P2RX7: variants seen among roughly 807,000 people sequenced by gnomAD.
The protein encoded by P2RX7 is purinergic receptor P2X 7.
In P2RX7, 62 loss-of-function variants were observed where a neutral mutation model predicts 71.6. The observed-to-expected ratio is 0.87, with a 90% CI of 0.71 to 1.07. P2RX7 has a LOEUF of 1.07. Among genes scored for constraint, P2RX7 ranks in the 50% least tolerant of loss-of-function variants. The pLI, the probability that P2RX7 is intolerant of heterozygous loss-of-function variation, is 0.00. For synonymous variants in P2RX7, 299 were observed against 283.3 expected (o/e 1.06, Z -0.56); for missense variants, 686 against 748.5 (o/e 0.92, Z 0.97).
In P2RX7 at chr12:121,154,748, T is replaced by A; in HGVS notation, c.126-37T>A. Reference sequence around the variant, plus strand: ...GCCTGCATCCCAACCCGCTGTGCTATGCCTCCCGTTGATGCTTTCCCATGT... The same window carrying A: ...GCCTGCATCCCAACCCGCTGTGCTAAGCCTCCCGTTGATGCTTTCCCATGT... On this transcript the variant is annotated intron_variant, in intron 1 of 12. Transcript: ENST00000328963. This position sits in a 1 kb window ranked among gnomAD's most constrained non-coding sequence, Gnocchi z 4.2. The A allele has an allele frequency of 7.1e-7, 1 of 1,405,218 alleles. No homozygotes were observed. The highest frequency in any genetic ancestry group is 1.0e-6 in the Non-Finnish European group (1 of 989,314). The allele number at this position is 1,405,218 out of a possible 1,614,324, so 87.0% of individuals were successfully genotyped here. A position where few individuals can be genotyped will look rare whatever the true frequency, so the allele number is the denominator to read the frequency against.
rs571622161 is a variant in P2RX7, at chr12:121,154,983, C to A, written c.294+30C>A. 16 of 1,611,626 alleles carry A rather than the reference C, an allele frequency of 9.9e-6. No homozygotes were observed. Among genetic ancestry groups the A allele is most frequent in the Non-Finnish European group, 1.3e-5 (15 of 1,178,432 alleles). On this transcript the variant is annotated intron_variant, in intron 2 of 12. Transcript: ENST00000328963. The surrounding 1 kb of genome is among the most constrained non-coding windows in gnomAD (Gnocchi z 4.2). ...GCACCTCGTAGCATTCTCCCAGGCT[C>A]GTCGCTGGTCACCGTCGCCAGGGCC... is the stretch of plus-strand genomic sequence containing the variant.
At chr12:121,165,248 T>C in intron 5 of P2RX7, 109 bp from the exon 6 acceptor site, 2 of 777,972 alleles carry the variant, frequency 2.6e-6, no homozygotes, top group Admixed American at 2.0e-5. Context: ...TTTCTCTTCA[T>C]GTATCCCAAA....
Position 121,171,777 on chromosome 12 carries a change from A to G in P2RX7, c.882-3611A>G, listed in dbSNP as rs558212211. On this transcript the variant is annotated intron_variant, in intron 8 of 12. Coordinates refer to ENST00000328963, the MANE Select transcript of P2RX7 (RefSeq NM_002562.6). ...ACTGGAAATACAGACTCCTAGAAACATCTCAGAGCTTCTGCAACCACTCTT... is the reference window on the plus strand; with the variant it reads ...ACTGGAAATACAGACTCCTAGAAACGTCTCAGAGCTTCTGCAACCACTCTT... Among the ~76,000 whole-genome samples, 24 of 151,900 alleles carry G rather than the reference A, an allele frequency of 1.6e-4. No individual in the cohort carries two copies. The South Asian group carries it at 5.0e-3, about 32-fold the overall frequency.
chr12:121,134,240 T>A (rs1329821022), intron 1 of P2RX7, among the ~76,000 whole-genome samples: 1 of 152,242 alleles, frequency 6.6e-6, no homozygotes, highest in Non-Finnish European at 1.5e-5. Flanking sequence ...AGGTCATATG[T>A]TAACTATGTT....
chr12:121,149,051 T>C lies in P2RX7; in HGVS notation c.126-5734T>C, dbSNP rs561026123. On this transcript the variant is annotated intron_variant, in intron 1 of 12. Transcript: ENST00000328963. This position sits in a 1 kb window ranked among gnomAD's most constrained non-coding sequence, Gnocchi z 4.7. ...ACTTTGCTGAAAGGGAGGTCCTCCC[T>C]GCAGAGCTTGAAGAGCAATCTAACC... 5.1e-6 allele frequency: 3 copies of C among 583,110 alleles called. No homozygotes were observed. The highest frequency in any genetic ancestry group is 8.9e-5 in the East Asian group (2 of 22,424). 36.1% of individuals were successfully genotyped at this position (583,110 alleles called of 1,614,324 possible).
Position 121,165,361 on chromosome 12 carries a change from G to C in P2RX7, c.538G>C (p.Ala180Pro), listed in dbSNP as rs758028586. The C allele has an allele frequency of 4.3e-6, 7 of 1,613,674 alleles. No individual in the cohort carries two copies. The East Asian group carries it at 1.3e-4, about 31-fold the overall frequency. Reference sequence around the variant, plus strand: ...TTTTGCATGTCTCTCTCCCAGGCCTGCTCTCTTGAACAGTGCCGAAAACTT... The same window carrying C: ...TTTTGCATGTCTCTCTCCCAGGCCTCCTCTCTTGAACAGTGCCGAAAACTT... ...IEAVEEAPRP[A>P]LLNSAENFTV... Residue 180 changes from alanine to proline, a missense_variant, in exon 6 of 13, where the codon GCT becomes CCT. By Grantham distance (27) the Ala-to-Pro change is conservative. Transcript: ENST00000328963.
chr12:121,142,541 C>T lies in P2RX7; in HGVS notation c.125+9446C>T, dbSNP rs556221757. Among the ~76,000 whole-genome samples, 13 of 152,188 alleles carry T rather than the reference C, an allele frequency of 8.5e-5. No individual in the cohort carries two copies. The South Asian group carries it at 1.9e-3, about 22-fold the overall frequency. On this transcript the variant is annotated intron_variant, in intron 1 of 12. Coordinates refer to ENST00000328963, the MANE Select transcript of P2RX7 (RefSeq NM_002562.6). Reference sequence around the variant, plus strand: ...ACTCTATCATATCATGGAGTCTCACCGTCTTGCCCAGGTGGGTCTTGAACA... The same window carrying T: ...ACTCTATCATATCATGGAGTCTCACTGTCTTGCCCAGGTGGGTCTTGAACA...
chr12:121,154,915 A>G lies in P2RX7; in HGVS notation c.256A>G (p.Ser86Gly), dbSNP rs202077960. Reference protein sequence around the residue: ...VENGVKKLVHSVFDTADYTFP... With the variant: ...VENGVKKLVHGVFDTADYTFP... ...GAATGGAGTGAAGAAGTTGGTGCACAGTGTCTTTGACACCGCAGACTACAC... is the reference window on the plus strand; with the variant it reads ...GAATGGAGTGAAGAAGTTGGTGCACGGTGTCTTTGACACCGCAGACTACAC... Residue 86 changes from serine to glycine, a missense_variant, in exon 2 of 13, where the codon AGT (serine) becomes GGT (glycine). Coordinates refer to ENST00000328963, the MANE Select transcript of P2RX7 (RefSeq NM_002562.6). The surrounding 1 kb of genome is among the most constrained non-coding windows in gnomAD (Gnocchi z 4.2). 7.4e-6 allele frequency: 12 copies of G among 1,613,220 alleles called. No individual in the cohort carries two copies. Among genetic ancestry groups the G allele is most frequent in the Non-Finnish European group, 1.0e-5 (12 of 1,179,702 alleles).
rs1411653591 is a variant in P2RX7, at chr12:121,187,830, A to G, written c.*3028A>G. ...TTAAAGACAGACTTCTGCTACGGTA[A>G]TTGCCAGTATTCATGGCTTCCTTTC... On this transcript the variant is annotated 3_prime_UTR_variant, in exon 13 of 13. Transcript: ENST00000328963. 6.6e-6 allele frequency: 1 copy of G among 152,168 alleles called. No homozygotes were observed. The highest frequency in any genetic ancestry group is 1.5e-5 in the Non-Finnish European group (1 of 68,034). 9.4% of individuals were successfully genotyped at this position (152,168 alleles called of 1,614,324 possible). A position where few individuals can be genotyped will look rare whatever the true frequency, so the allele number is the denominator to read the frequency against.
intron 1 of P2RX7, among the ~76,000 whole-genome samples, chr12:121,145,482 T>C (rs1565941914): frequency 6.6e-6 from 1 of 151,100 alleles, no homozygotes; most frequent in East Asian, 1.9e-4. Flanking sequence ...GTGGATGTGA[T>C]GACTCGCCCT....
At chr12:121,151,275 T>G in intron 1 of P2RX7, among the ~76,000 whole-genome samples, 1 of 150,118 alleles carries the variant, frequency 6.7e-6, no homozygotes. Context: ...TGAGACAGAG[T>G]CTCACTCTAT....
chr12:121,135,348 T>C (rs1337814312), intron 1 of P2RX7, among the ~76,000 whole-genome samples: 1 of 151,672 alleles, frequency 6.6e-6, no homozygotes, highest in Non-Finnish European at 1.5e-5. Flanking sequence ...AAAATAATAA[T>C]AATAGTAATA....
At chr12:121,161,799 A>AT (rs2136070466) in intron 4 of P2RX7, among the ~76,000 whole-genome samples, 1 of 150,806 alleles carries the variant, frequency 6.6e-6, no homozygotes, top group African/African-American at 2.4e-5. Flanking sequence ...TAAAAAAAAA[A>AT]AAAAAGGCAC....
chr12:121,167,433 G>C, intron 7 of P2RX7, 55 bp from the exon 8 acceptor site: 1 of 1,598,598 alleles, frequency 6.3e-7, no homozygotes, highest in Non-Finnish European at 8.5e-7. Flanking sequence ...GATGTCTGGC[G>C]GTTGCGTAAC....
intron 5 of P2RX7, among the ~76,000 whole-genome samples, chr12:121,164,555 C>A (rs556898387): frequency 1.3e-5 from 2 of 151,844 alleles, no homozygotes; most frequent in Non-Finnish European, 2.9e-5. Flanking sequence ...CTGAGGCAGG[C>A]GGATCACTTG....
intron 1 of P2RX7, among the ~76,000 whole-genome samples, chr12:121,145,456 G>A (rs1239696693): frequency 6.6e-6 from 1 of 151,958 alleles, no homozygotes; most frequent in Non-Finnish European, 1.5e-5. Flanking sequence ...AGGAGTGAGT[G>A]AATCAAGATG....
intron 8 of P2RX7, among the ~76,000 whole-genome samples, chr12:121,173,049 T>A (rs1882487856): frequency 6.6e-6 from 1 of 152,186 alleles, no homozygotes; most frequent in Non-Finnish European, 1.5e-5. Flanking sequence ...AACACACCAC[T>A]TTTCCTGACT....
At chr12:121,136,023 A>AAAAAAAAAAAAAAATTTATATAT in intron 1 of P2RX7, among the ~76,000 whole-genome samples, 1 of 15,256 alleles carries the variant, frequency 6.6e-5, no homozygotes, top group African/African-American at 1.2e-4. Flanking sequence ...AAAAAAAAAA[A>AAAAAAAAAAAAAAATTTATATAT]ATATATATAT....
At chr12:121,175,253 G>A (rs1882875335) in intron 8 of P2RX7, 135 bp from the exon 9 acceptor site, 1 of 556,624 alleles carries the variant, frequency 1.8e-6, no homozygotes, top group Non-Finnish European at 3.2e-6. Flanking sequence ...CAAGGCTGCA[G>A]TGAGTGGTAA....
Sources: gnomAD v4.1 joint callset for allele counts (sites outside exome capture counted in the v4.1 genomes callset) on GRCh38, gnomAD v4.1.1 for gene constraint, Gnocchi (gnomAD v3.1) non-coding constraint, MANE v1.5 for transcripts, NCBI Gene and HGNC (gene_info 2026-07-23, HGNC 2026-07-21) for gene names.